DTNB: variants seen among roughly 807,000 people sequenced by gnomAD.
DTNB encodes dystrobrevin beta.
DTNB carries 63 observed loss-of-function variants against 90.7 expected under a neutral mutation model. That is an observed-to-expected ratio of 0.69 (90% CI 0.57 to 0.86). The LOEUF is 0.86. Ranked by LOEUF, DTNB falls within the 40% of genes least tolerant of loss-of-function variation. The probability of loss-of-function intolerance (pLI) is 0.00; values close to 1 mark genes in which losing one functional copy is unlikely to be tolerated. For synonymous variants in DTNB, 277 were observed against 286.7 expected, an observed-to-expected ratio of 0.97 and a Z score of 0.34; for missense variants, 744 against 807.1, an observed-to-expected ratio of 0.92 and a Z score of 0.95.
chr2:25,388,512 T>G, intron 16 of DTNB, 151 bp from the exon 17 acceptor site: 3 of 1,067,110 alleles, frequency 2.8e-6, no homozygotes, highest in Non-Finnish European at 3.9e-6. Flanking sequence ...GTTAGGCTGC[T>G]TCCAAGACTG....
rs2086632496 is a variant in DTNB at position 25,673,555 on chromosome 2, C to T, written c.-171G>A. The T allele has an allele frequency of 6.8e-6, 1 of 147,846 alleles. No homozygotes were observed. The allele number at this position is 147,846 out of a possible 1,614,324, so 9.2% of individuals were successfully genotyped here. A position where few individuals can be genotyped will look rare whatever the true frequency, so the allele number is the denominator to read the frequency against. Reference sequence around the variant, plus strand: ...CAGCGCCCGGCTCGCGCCGCTTCTCCGCCCGGCACGCGCAGCGCCCGCCCC... The same window carrying T: ...CAGCGCCCGGCTCGCGCCGCTTCTCTGCCCGGCACGCGCAGCGCCCGCCCC... On this transcript the variant is annotated 5_prime_UTR_variant, in exon 1 of 21. Coordinates refer to ENST00000406818, the MANE Select transcript of DTNB (RefSeq NM_021907.5).
intron 5 of DTNB, among the ~76,000 whole-genome samples, chr2:25,601,824 T>G (rs1026295138): frequency 1.3e-5 from 2 of 152,012 alleles, no homozygotes; most frequent in Non-Finnish European, 2.9e-5. Flanking sequence ...AGTTCGAAAC[T>G]CATTAATATG....
chr2:25,587,479 G>A (rs1359082281), intron 6 of DTNB, among the ~76,000 whole-genome samples: 2 of 152,128 alleles, frequency 1.3e-5, no homozygotes, highest in Non-Finnish European at 2.9e-5. Context: ...GAATGGGACT[G>A]CACACTGGAC....
chr2:25,432,241 ACAC>A (rs1394819612), intron 14 of DTNB, among the ~76,000 whole-genome samples: 1 of 145,848 alleles, frequency 6.9e-6, no homozygotes, highest in Non-Finnish European at 1.5e-5. Flanking sequence ...ACACACACAC[ACAC>A]CCCTTTCTAA....
chr2:25,574,787 T>C (rs1001525074), intron 8 of DTNB, among the ~76,000 whole-genome samples: 4 of 152,190 alleles, frequency 2.6e-5, no homozygotes, highest in African/African-American at 9.6e-5. Context: ...TAACAATGCT[T>C]ATTTTTAAAA....
intron 9 of DTNB, among the ~76,000 whole-genome samples, chr2:25,518,391 C>A (rs1296999518): frequency 6.6e-6 from 1 of 152,124 alleles, no homozygotes; most frequent in Non-Finnish European, 1.5e-5. Flanking sequence ...CCTCCTTGGA[C>A]TAAAGCTTGA....
At chr2:25,604,069 C>T (rs1436629996) in intron 5 of DTNB, among the ~76,000 whole-genome samples, 1 of 151,996 alleles carries the variant, frequency 6.6e-6, no homozygotes, top group Non-Finnish European at 1.5e-5. Flanking sequence ...CTTCTCTGTC[C>T]GTAGCATATT....
chr2:25,481,474 C>G (rs1214807520), intron 10 of DTNB: 1 of 151,812 alleles, frequency 6.6e-6, no homozygotes, highest in Non-Finnish European at 1.5e-5. Context: ...GATTCCAACT[C>G]AGAAAGAGTC....
intron 9 of DTNB, among the ~76,000 whole-genome samples, chr2:25,498,324 T>C (rs1393785858): frequency 3.9e-5 from 6 of 152,264 alleles, no homozygotes; most frequent in African/African-American, 1.4e-4. Flanking sequence ...AACCAACTAG[T>C]GTGACTGTTA....
chr2:25,453,702 A>G (rs2059598899), intron 11 of DTNB, among the ~76,000 whole-genome samples: 1 of 152,126 alleles, frequency 6.6e-6, no homozygotes, highest in Non-Finnish European at 1.5e-5. Flanking sequence ...GGGTGAAACA[A>G]CTCTGTTCCT....
At chr2:25,521,024 CAAAT>C (rs1382537424) in intron 9 of DTNB, among the ~76,000 whole-genome samples, 1 of 152,110 alleles carries the variant, frequency 6.6e-6, no homozygotes, top group African/African-American at 2.4e-5. Flanking sequence ...ATGCAAGAAA[CAAAT>C]AAAAGACTTT....
intron 10 of DTNB, among the ~76,000 whole-genome samples, chr2:25,478,875 T>C (rs980726324): frequency 6.6e-6 from 1 of 152,220 alleles, no homozygotes; most frequent in Non-Finnish European, 1.5e-5. Flanking sequence ...GGTGTGTGTC[T>C]GCAACCATCG....
chr2:25,486,494 C>T (rs1417446685), intron 9 of DTNB, among the ~76,000 whole-genome samples: 1 of 151,704 alleles, frequency 6.6e-6, no homozygotes, highest in Non-Finnish European at 1.5e-5. Flanking sequence ...ATGAGTCTGG[C>T]ATGGTTGCAC....
chr2:25,661,970 C>T (rs781447078), intron 1 of DTNB, among the ~76,000 whole-genome samples: 1 of 152,020 alleles, frequency 6.6e-6, no homozygotes, highest in Non-Finnish European at 1.5e-5. Flanking sequence ...GCCTGCCCTA[C>T]ATGGTGAAAC....
chr2:25,510,190 C>G (rs1387365998), intron 9 of DTNB, among the ~76,000 whole-genome samples: 1 of 151,870 alleles, frequency 6.6e-6, no homozygotes, highest in Non-Finnish European at 1.5e-5. Context: ...ATCTCTAAAT[C>G]TAATCTGATA....
At chr2:25,632,126 C>T (rs1324387981) in intron 3 of DTNB, among the ~76,000 whole-genome samples, 1 of 135,896 alleles carries the variant, frequency 7.4e-6, no homozygotes, top group Non-Finnish European at 1.5e-5. Flanking sequence ...ACCTGGGAGG[C>T]GAAGTGCAGT....
intron 5 of DTNB, 168 bp from the exon 6 acceptor site, chr2:25,596,408 G>A (rs887923296): frequency 1.6e-5 from 11 of 683,272 alleles, no homozygotes; most frequent in African/African-American, 1.3e-4. Flanking sequence ...TTAACACTGT[G>A]TGGCTACCCT....
chr2:25,634,090 C>A (rs1386431494), intron 3 of DTNB, among the ~76,000 whole-genome samples: 8 of 151,512 alleles, frequency 5.3e-5, no homozygotes, highest in African/African-American at 9.7e-5. Flanking sequence ...CAGCCAGCCG[C>A]CCCGTCCGGG....
intron 16 of DTNB, among the ~76,000 whole-genome samples, chr2:25,399,250 T>C (rs2043103705): frequency 6.6e-6 from 1 of 151,970 alleles, no homozygotes; most frequent in Non-Finnish European, 1.5e-5. Context: ...GGTTTCACCA[T>C]GTTGGCCAGG....
Sources: allele counts gnomAD v4.1 joint callset (sites outside exome capture counted in the v4.1 genomes callset), GRCh38; gene constraint gnomAD v4.1.1; transcripts MANE v1.5; gene names NCBI Gene and HGNC (gene_info 2026-07-23, HGNC 2026-07-21).